SEC16A: variants seen among roughly 807,000 people sequenced by gnomAD.
SEC16A encodes the protein SEC16 homolog A, endoplasmic reticulum export factor.
SEC16A carries 110 observed loss-of-function variants against 221.9 expected under a neutral mutation model. The observed-to-expected ratio is 0.50, with a 90% CI of 0.42 to 0.58. SEC16A has a LOEUF of 0.58. SEC16A is among the 20% of genes least tolerant of loss of function. The probability of loss-of-function intolerance (pLI) is 0.00; values close to 1 mark genes in which losing one functional copy is unlikely to be tolerated. For missense variants in SEC16A, 3,165 were observed against 3,097.8 expected, an observed-to-expected ratio of 1.02 and a Z score of -0.52; for synonymous variants, 1,393 against 1,257.7, an observed-to-expected ratio of 1.11 and a Z score of -2.28.
intron 2 of SEC16A, among the ~76,000 whole-genome samples, chr9:136,478,420 AG>A (rs1368566904): frequency 6.6e-6 from 1 of 151,618 alleles, no homozygotes; most frequent in Non-Finnish European, 1.5e-5. Context: ...AAAAAAAAAA[AG>A]GAAAACTTTA....
intron 2 of SEC16A, among the ~76,000 whole-genome samples, chr9:136,478,068 G>C (rs1223918056): frequency 1.3e-5 from 2 of 152,162 alleles, no homozygotes; most frequent in Non-Finnish European, 1.5e-5. Flanking sequence ...ATGTTTTCCT[G>C]TAAACCATCC....
In SEC16A at chr9:136,466,166, A is replaced by T; in HGVS notation, c.4129-30T>A. 6.4e-7 allele frequency: 1 copy of T among 1,572,476 alleles called. No homozygotes were observed. Among genetic ancestry groups the T allele is most frequent in the South Asian group, 1.2e-5 (1 of 85,430 alleles). ...GAAAACAAAGCAAACGGGCAAAATC[A>T]ATTCCCCAGGCACAGCAGTAAAACT... On this transcript the variant is annotated intron_variant, in intron 7 of 31. Coordinates refer to ENST00000684901, the MANE Select transcript of SEC16A (RefSeq NM_014866.2). The surrounding 1 kb of genome is among the most constrained non-coding windows in gnomAD (Gnocchi z 5.5).
Position 136,447,900 on chromosome 9 carries a change from C to G in SEC16A, c.6400G>C (p.Asp2134His). 1.2e-6 allele frequency: 2 copies of G among 1,608,336 alleles called. No individual in the cohort carries two copies. Among genetic ancestry groups the G allele is most frequent in the Non-Finnish European group, 1.7e-6 (2 of 1,176,946 alleles). The stretch of plus-strand genomic sequence containing the variant: ...TTCACCCACTGGTTTTTCTTTTCAT[C>G]CCAAACAATCTGCCAAGATTTTAAA... ...PDDKNKSIVWDEKKNQWVNLN... is the reference protein window; with the variant it reads ...PDDKNKSIVWHEKKNQWVNLN... The change falls in exon 25 of 32, where the codon GAT (aspartate) becomes CAT (histidine). Residue 2134 changes from aspartate to histidine, a missense_variant. Coordinates refer to ENST00000684901, the MANE Select transcript of SEC16A (RefSeq NM_014866.2). The surrounding 1 kb of genome is among the most constrained non-coding windows in gnomAD (Gnocchi z 5.5).
chr9:136,475,642 G>C lies in SEC16A; in HGVS notation c.1974C>G (p.Asn658Lys). The C allele has an allele frequency of 6.2e-7, 1 of 1,613,742 alleles. No homozygotes were observed. Among genetic ancestry groups the C allele is most frequent in the Non-Finnish European group, 8.5e-7 (1 of 1,179,862 alleles). Residue 658 changes from asparagine (N) to lysine (K), a missense_variant, in exon 3 of 32, where the codon AAC becomes AAG. Transcript: ENST00000684901. This position sits in a 1 kb window ranked among gnomAD's most constrained non-coding sequence, Gnocchi z 5.0. ...CCATGTTGTCTGGTGGCTGCTCCAG[G>C]TTGCCAGGGGAAGCATCGGGCAGGG... ...AAALPDASPG[N>K]LEQPPDNMET...
rs770416831 is a variant in SEC16A, at chr9:136,459,583, G to T, written c.5192-28C>A. ...GCGGAGAGACGACACGACACACGGC[G>T]GGGGCTCAGCGACCGGGAGCGCTTG... On this transcript the variant is annotated intron_variant, in intron 15 of 31. Coordinates refer to ENST00000684901, the MANE Select transcript of SEC16A (RefSeq NM_014866.2). The surrounding 1 kb of genome is among the most constrained non-coding windows in gnomAD (Gnocchi z 6.1). 6.5e-7 allele frequency: 1 copy of T among 1,534,330 alleles called. No individual in the cohort carries two copies. Among genetic ancestry groups the T allele is most frequent in the Non-Finnish European group, 8.9e-7 (1 of 1,127,774 alleles).
In SEC16A at chr9:136,466,757, C is replaced by G. The variant is rs1478577196; in HGVS notation, c.3929+200G>C. 6.6e-6 allele frequency among the ~76,000 whole-genome samples: 1 copy of G among 152,236 alleles called. No homozygotes were observed. The highest frequency in any genetic ancestry group is 1.5e-5 in the Non-Finnish European group (1 of 68,046). On this transcript the variant is annotated intron_variant, in intron 6 of 31. Coordinates refer to ENST00000684901, the MANE Select transcript of SEC16A (RefSeq NM_014866.2). This position sits in a 1 kb window ranked among gnomAD's most constrained non-coding sequence, Gnocchi z 5.5. The stretch of plus-strand genomic sequence containing the variant: ...GTGCTGAACAGTCCTCTTGCTGAGG[C>G]CAGTTCTCCTCTAACAGTCCAAGCT...
At chr9:136,449,435 A>G (rs1157897853) in intron 23 of SEC16A, among the ~76,000 whole-genome samples, 1 of 152,194 alleles carries the variant, frequency 6.6e-6, no homozygotes, top group East Asian at 1.9e-4. Flanking sequence ...TTTTTAGTAG[A>G]GATGGGGTTT....
chr9:136,464,184 T>C (rs976096210), intron 9 of SEC16A, among the ~76,000 whole-genome samples: 16 of 149,714 alleles, frequency 1.1e-4, no homozygotes, highest in African/African-American at 3.9e-4. Flanking sequence ...AAAATGCATA[T>C]ACAATCAAAC....
At chr9:136,472,877 G>A (rs755805053) in intron 3 of SEC16A, among the ~76,000 whole-genome samples, 12 of 152,256 alleles carry the variant, frequency 7.9e-5, no homozygotes, top group African/African-American at 1.2e-4. Context: ...ACGGCGGGAG[G>A]AGTGCACTCC....
At chr9:136,468,636 C>T in intron 4 of SEC16A, 124 bp from the exon 5 acceptor site, 2 of 615,896 alleles carry the variant, frequency 3.2e-6, no homozygotes, top group Non-Finnish European at 5.7e-6. Context: ...TACAAAAATT[C>T]CAATTAGAAG....
chr9:136,443,001 T>C (rs533532564), intron 31 of SEC16A, among the ~76,000 whole-genome samples: 3 of 151,968 alleles, frequency 2.0e-5, no homozygotes, highest in Admixed American at 2.0e-4. Context: ...GGCAGCAACA[T>C]AGGATTCCAA....
chr9:136,482,099 G>C (rs1326148098), intron 1 of SEC16A, among the ~76,000 whole-genome samples: 2 of 152,182 alleles, frequency 1.3e-5, no homozygotes, highest in South Asian at 4.1e-4. Context: ...CAAGGAACAA[G>C]AAAGACACGC....
In SEC16A at chr9:136,447,927, A is replaced by C. The variant is rs761221354; in HGVS notation, c.6391-18T>G. ...CAAACAATCTGCCAAGATTTTAAAA[A>C]GAAAAAAGGTCAGCAGACTGAACCT... On this transcript the variant is annotated intron_variant, in intron 24 of 31. Transcript: ENST00000684901. This position sits in a 1 kb window ranked among gnomAD's most constrained non-coding sequence, Gnocchi z 5.5. 1.4e-5 allele frequency: 22 copies of C among 1,601,082 alleles called. No individual in the cohort carries two copies. The highest frequency in any genetic ancestry group is 1.8e-5 in the Non-Finnish European group (21 of 1,172,996).
intron 3 of SEC16A, among the ~76,000 whole-genome samples, chr9:136,472,330 CA>C (rs901170244): frequency 3.3e-5 from 5 of 152,252 alleles, no homozygotes; most frequent in Admixed American, 2.6e-4. Context: ...CACAGACCTC[CA>C]AAGCACAGCC....
upstream of SEC16A, chr9:136,483,374 T>C: frequency 2.0e-6 from 1 of 510,476 alleles, no homozygotes; most frequent in Non-Finnish European, 2.4e-6. Flanking sequence ...CATTCTTTCG[T>C]CCCGCCCCCT....
At position 136,441,682 on chromosome 9, in the gene SEC16A, C is replaced by T. The variant is rs903558074; in HGVS notation, c.*73G>A. 1.7e-5 allele frequency: 24 copies of T among 1,397,422 alleles called. No homozygotes were observed. The African/African-American group carries it at 2.1e-4, about 12-fold the overall frequency. 86.6% of individuals were successfully genotyped at this position (1,397,422 alleles called of 1,614,324 possible). ...CTCCCTGGGGGCGGGACGGAGATCG[C>T]GGAGGTCGGTCGGGTTCTTCGGGGA... is the stretch of plus-strand genomic sequence containing the variant. On this transcript the variant is annotated 3_prime_UTR_variant, in exon 32 of 32. Coordinates refer to ENST00000684901, the MANE Select transcript of SEC16A (RefSeq NM_014866.2).
chr9:136,445,038 C>A lies in SEC16A; in HGVS notation c.6927+14G>T. Reference sequence around the variant, plus strand: ...CCAGCTCTCATGTTAGTGAGGACCACCAGCCGCAGGTACCTGATTAAAATG... The same window carrying A: ...CCAGCTCTCATGTTAGTGAGGACCAACAGCCGCAGGTACCTGATTAAAATG... On this transcript the variant is annotated intron_variant, in intron 30 of 31. Transcript: ENST00000684901. 6.2e-7 allele frequency: 1 copy of A among 1,601,656 alleles called. No homozygotes were observed. The highest frequency in any genetic ancestry group is 1.1e-5 in the South Asian group (1 of 88,570).
intron 17 of SEC16A, among the ~76,000 whole-genome samples, chr9:136,458,126 T>C (rs1341171274): frequency 3.4e-5 from 5 of 149,168 alleles, no homozygotes; most frequent in Non-Finnish European, 7.4e-5. Flanking sequence ...TGGCTAATTT[T>C]TGTATTTTTT....
At chr9:136,478,398 A>G (rs1428909304) in intron 2 of SEC16A, among the ~76,000 whole-genome samples, 3 of 127,732 alleles carry the variant, frequency 2.3e-5, no homozygotes, top group Non-Finnish European at 5.1e-5. Flanking sequence ...GTGAGTCCCT[A>G]GCTCAAAAAA....
Sources: allele counts gnomAD v4.1 joint callset (sites outside exome capture counted in the v4.1 genomes callset), GRCh38; gene constraint gnomAD v4.1.1; non-coding constraint Gnocchi (gnomAD v3.1); transcripts MANE v1.5; gene names NCBI Gene and HGNC (gene_info 2026-07-23, HGNC 2026-07-21).